The following SH3BP4 variants were observed in gnomAD, a reference collection of about 807,000 sequenced individuals.
The protein encoded by SH3BP4 is SH3 domain binding protein 4, also known as SH3 domain-binding protein 4.
Under a neutral mutation model 65.5 loss-of-function variants are expected in SH3BP4, and 33 were observed. The ratio of observed to expected loss-of-function variants is 0.50; its 90% confidence interval spans 0.38 to 0.67. The LOEUF is 0.67. Ranked by LOEUF, SH3BP4 falls within the 30% of genes least tolerant of loss-of-function variation. The pLI is 0.00. For synonymous variants in SH3BP4, 552 were observed against 545.5 expected (o/e 1.01, Z -0.17); for missense variants, 1,134 against 1,261.4 (o/e 0.90, Z 1.53).
At chr2:235,000,590 C>T (rs972070849) in intron 2 of SH3BP4, among the ~76,000 whole-genome samples, 3 of 152,204 alleles carry the variant, frequency 2.0e-5, no homozygotes, top group Non-Finnish European at 4.4e-5. Flanking sequence ...GAGCCGCTGA[C>T]ATGGAGGACG....
At chr2:235,003,931 GC>G (rs1213602609) in intron 2 of SH3BP4, among the ~76,000 whole-genome samples, 2 of 152,168 alleles carry the variant, frequency 1.3e-5, no homozygotes, top group African/African-American at 4.8e-5. Context: ...ACCCAAGATG[GC>G]CCTAGGTACC....
At chr2:234,992,436 G>A (rs1401980732) in intron 1 of SH3BP4, among the ~76,000 whole-genome samples, 1 of 152,248 alleles carries the variant, frequency 6.6e-6, no homozygotes, top group Non-Finnish European at 1.5e-5. Flanking sequence ...AAGGAGGAAG[G>A]CATTGTGGGC....
chr2:234,954,654 C>G (rs1692547593), intron 1 of SH3BP4, among the ~76,000 whole-genome samples: 1 of 152,220 alleles, frequency 6.6e-6, no homozygotes, highest in African/African-American at 2.4e-5. Context: ...CTTGAATAGA[C>G]TTTCTTCTTA....
chr2:235,053,358 A>T (rs1000907474), intron 5 of SH3BP4, among the ~76,000 whole-genome samples: 2 of 152,190 alleles, frequency 1.3e-5, no homozygotes, highest in African/African-American at 4.8e-5. Flanking sequence ...CTTTCTGTTT[A>T]TTCATTTGTT....
chr2:235,024,721 C>G (rs1054183397), intron 2 of SH3BP4, among the ~76,000 whole-genome samples: 4 of 152,098 alleles, frequency 2.6e-5, no homozygotes, highest in African/African-American at 9.7e-5. Flanking sequence ...TAAAACATTC[C>G]TTTGAGTTAA....
chr2:234,990,959 G>A (rs979672559), intron 1 of SH3BP4, among the ~76,000 whole-genome samples: 8 of 152,274 alleles, frequency 5.3e-5, no homozygotes, highest in African/African-American at 1.9e-4. Flanking sequence ...CTGTGTGCAT[G>A]TCTGTTGAAA....
At chr2:234,975,219 A>G (rs1693132847) in intron 1 of SH3BP4, among the ~76,000 whole-genome samples, 1 of 152,214 alleles carries the variant, frequency 6.6e-6, no homozygotes, top group African/African-American at 2.4e-5. Flanking sequence ...AGGAAATGGC[A>G]GTAACATCGG....
chr2:234,975,563 G>A (rs1176656341), intron 1 of SH3BP4, among the ~76,000 whole-genome samples: 1 of 152,208 alleles, frequency 6.6e-6, no homozygotes, highest in Non-Finnish European at 1.5e-5. Flanking sequence ...CTCAAGCTTT[G>A]AGGGTCAAAA....
intron 2 of SH3BP4, among the ~76,000 whole-genome samples, chr2:235,000,098 G>T (rs1168002039): frequency 2.6e-5 from 4 of 152,230 alleles, no homozygotes; most frequent in Non-Finnish European, 5.9e-5. Context: ...TTCCAGGCTG[G>T]GGGTGTGCCT....
intron 1 of SH3BP4, among the ~76,000 whole-genome samples, chr2:234,970,068 C>T (rs1403877542): frequency 7.7e-6 from 1 of 129,216 alleles, no homozygotes; most frequent in Non-Finnish European, 1.6e-5. Flanking sequence ...CATACACACA[C>T]TCACACTGTC....
At chr2:235,048,743 C>T (rs976211949) in intron 4 of SH3BP4, among the ~76,000 whole-genome samples, 4 of 152,356 alleles carry the variant, frequency 2.6e-5, no homozygotes, top group East Asian at 1.9e-4. Flanking sequence ...CCATCTGCAT[C>T]GTCTGTGGCT....
chr2:234,961,314 C>T (rs904124951), intron 1 of SH3BP4, among the ~76,000 whole-genome samples: 1 of 152,176 alleles, frequency 6.6e-6, no homozygotes, highest in South Asian at 2.1e-4. Context: ...CTCTGTCGCC[C>T]AGGCTGGAGT....
rs1177080438 is a variant in SH3BP4, at chr2:235,038,376, CATATATAT to C, written c.119-2479_119-2472del. On this transcript the variant is annotated intron_variant, in intron 3 of 5. Transcript: ENST00000392011. ...TATATATATATATATAATATATATA[CATATATAT>C]ATATATATATATATATATATATATA... Among the ~76,000 whole-genome samples the C allele has an allele frequency of 2.5e-3, 31 of 12,354 alleles. 1 individual carries two copies. Among genetic ancestry groups the C allele is most frequent in the African/African-American group, 3.6e-3 (10 of 2,772 alleles). 8.1% of individuals were successfully genotyped at this position (12,354 alleles called of 152,430 possible).
intron 1 of SH3BP4, among the ~76,000 whole-genome samples, chr2:234,983,967 G>A (rs1352003472): frequency 6.6e-6 from 1 of 152,238 alleles, no homozygotes; most frequent in African/African-American, 2.4e-5. Context: ...CTAAGTTTGT[G>A]GTAGTTTGTT....
At chr2:235,037,650 C>T (rs1247121117) in intron 3 of SH3BP4, among the ~76,000 whole-genome samples, 1 of 152,078 alleles carries the variant, frequency 6.6e-6, no homozygotes, top group African/African-American at 2.4e-5. Context: ...TTTTGATGGC[C>T]GGCAAGCTCT....
At position 234,977,134 on chromosome 2, in the gene SH3BP4, A is replaced by T. The variant is rs576901951; in HGVS notation, c.-206-18169A>T. 6.6e-6 allele frequency among the ~76,000 whole-genome samples: 1 copy of T among 152,326 alleles called. No individual in the cohort carries two copies. The highest frequency in any genetic ancestry group is 1.5e-5 in the Non-Finnish European group (1 of 68,022). On this transcript the variant is annotated intron_variant, in intron 1 of 5. Coordinates refer to ENST00000392011, the MANE Select transcript of SH3BP4 (RefSeq NM_014521.3). This position sits in a 1 kb window ranked among gnomAD's most constrained non-coding sequence, Gnocchi z 5.1. Reference sequence around the variant, plus strand: ...TCCTAAAAGAAAAAGCTTATTTAAGAAAATAGGTAAGAGTGGTTAGGAAGG... The same window carrying T: ...TCCTAAAAGAAAAAGCTTATTTAAGTAAATAGGTAAGAGTGGTTAGGAAGG...
At position 235,042,047 on chromosome 2, in the gene SH3BP4, C is replaced by T; in HGVS notation, c.1278C>T (p.Val426=). 1 of 1,614,100 alleles carries T rather than the reference C, an allele frequency of 6.2e-7. No individual in the cohort carries two copies. Among genetic ancestry groups the T allele is most frequent in the South Asian group, 1.1e-5 (1 of 91,080 alleles). Reference sequence around the variant, plus strand: ...GCGACTCGAAGGAAGGGCCATATGTCTCCGTCCCGCTCAACTGCAGCTGTG... The same window carrying T: ...GCGACTCGAAGGAAGGGCCATATGTTTCCGTCCCGCTCAACTGCAGCTGTG... ...LRSDSKEGPY[V]SVPLNCSCGD... Residue 426 remains valine (V), a synonymous_variant, in exon 4 of 6, where the codon GTC becomes GTT. Coordinates refer to ENST00000392011, the MANE Select transcript of SH3BP4 (RefSeq NM_014521.3). The surrounding 1 kb of genome is among the most constrained non-coding windows in gnomAD (Gnocchi z 7.3).
chr2:235,000,247 G>A (rs962317152), intron 2 of SH3BP4, among the ~76,000 whole-genome samples: 11 of 152,096 alleles, frequency 7.2e-5, no homozygotes, highest in Admixed American at 1.3e-4. Context: ...ACCCTATCAC[G>A]TTAAGCAAGT....
intron 2 of SH3BP4, among the ~76,000 whole-genome samples, chr2:235,032,692 G>A (rs916942773): frequency 3.9e-5 from 6 of 152,182 alleles, no homozygotes; most frequent in Admixed American, 2.0e-4. Flanking sequence ...CTTGGTCACT[G>A]CTTCTGGTAG....
Sources: allele counts gnomAD v4.1 joint callset (sites outside exome capture counted in the v4.1 genomes callset), GRCh38; gene constraint gnomAD v4.1.1; non-coding constraint Gnocchi (gnomAD v3.1); transcripts MANE v1.5; gene names NCBI Gene and HGNC (gene_info 2026-07-23, HGNC 2026-07-21).